The following MTUS2 variants were observed in gnomAD, a reference collection of about 807,000 sequenced individuals.
MTUS2 encodes the protein microtubule associated scaffold protein 2.
A neutral mutation model predicts 114.1 loss-of-function variants in MTUS2; 40 were observed. That is an observed-to-expected ratio of 0.35 (90% CI 0.27 to 0.46). The LOEUF (loss-of-function observed/expected upper bound fraction) is 0.46. Ranked by LOEUF, MTUS2 falls within the 20% of genes least tolerant of loss-of-function variation. The pLI, the probability that MTUS2 is intolerant of heterozygous loss-of-function variation, is 1.00. For missense variants in MTUS2, 1,679 were observed against 1,705.4 expected (o/e 0.98, Z 0.27); for synonymous variants, 688 against 672.0 (o/e 1.02, Z -0.37).
intron 4 of MTUS2, among the ~76,000 whole-genome samples, chr13:29,041,803 G>T (rs910651827): frequency 6.6e-6 from 1 of 152,138 alleles, no homozygotes; most frequent in Non-Finnish European, 1.5e-5. Flanking sequence ...ACTGATCTGT[G>T]TATATTGATT....
chr13:29,233,978 A>G (rs773113632), intron 5 of MTUS2, among the ~76,000 whole-genome samples: 1 of 152,170 alleles, frequency 6.6e-6, no homozygotes. Context: ...GCTACGTAGG[A>G]CTAAGCCTAC....
chr13:28,843,422 T>C (rs576051985), intron 2 of MTUS2, among the ~76,000 whole-genome samples: 2 of 152,246 alleles, frequency 1.3e-5, no homozygotes, highest in South Asian at 4.2e-4. Flanking sequence ...ACAAAGTCTG[T>C]TTTTTGAGGC....
At chr13:29,471,749 C>G (rs934087249) in intron 9 of MTUS2, among the ~76,000 whole-genome samples, 3 of 147,690 alleles carry the variant, frequency 2.0e-5, no homozygotes, top group Admixed American at 6.7e-5. Context: ...CCAGCCCCCC[C>G]CGACACATTG....
intron 4 of MTUS2, among the ~76,000 whole-genome samples, chr13:29,038,135 C>G (rs961764086): frequency 1.3e-5 from 2 of 152,190 alleles, no homozygotes; most frequent in Non-Finnish European, 2.9e-5. Flanking sequence ...CTGGTTTTCC[C>G]TCATCTTCAT....
At chr13:29,360,766 A>G (rs1200882743) in intron 8 of MTUS2, among the ~76,000 whole-genome samples, 2 of 139,196 alleles carry the variant, frequency 1.4e-5, no homozygotes, top group African/African-American at 5.1e-5. Flanking sequence ...CATGGTCAAG[A>G]TGAGCATTTT....
intron 9 of MTUS2, among the ~76,000 whole-genome samples, chr13:29,454,137 A>G (rs1437460653): frequency 6.6e-6 from 1 of 152,254 alleles, no homozygotes; most frequent in African/African-American, 2.4e-5. Context: ...AACTTGACCA[A>G]TTCTGCATTG....
At chr13:29,183,844 T>A (rs1203068035) in intron 5 of MTUS2, among the ~76,000 whole-genome samples, 1 of 152,220 alleles carries the variant, frequency 6.6e-6, no homozygotes, top group African/African-American at 2.4e-5. Context: ...TTTCATATTA[T>A]CTTACTCATA....
intron 2 of MTUS2, among the ~76,000 whole-genome samples, chr13:28,990,560 A>G (rs1344530893): frequency 1.3e-5 from 2 of 151,616 alleles, no homozygotes; most frequent in Admixed American, 6.6e-5. Flanking sequence ...AGGATTGTAA[A>G]TGCACCAGTC....
chr13:29,230,348 A>T (rs1259442111), intron 5 of MTUS2, among the ~76,000 whole-genome samples: 1 of 152,276 alleles, frequency 6.6e-6, no homozygotes, highest in Non-Finnish European at 1.5e-5. Flanking sequence ...GAAACTGATA[A>T]AATCACCTTG....
intron 2 of MTUS2, among the ~76,000 whole-genome samples, chr13:28,911,679 T>G (rs1256874909): frequency 1.3e-5 from 2 of 152,098 alleles, no homozygotes; most frequent in South Asian, 2.1e-4. Context: ...GTTTCTTGAC[T>G]TTTTAATAAT....
chr13:29,437,497 G>A (rs184473820), intron 8 of MTUS2, among the ~76,000 whole-genome samples: 152 of 152,276 alleles, frequency 1.0e-3, no homozygotes, highest in African/African-American at 3.5e-3. Flanking sequence ...GGAACACATT[G>A]ATTGTCATCT....
intron 2 of MTUS2, among the ~76,000 whole-genome samples, chr13:28,865,107 A>C (rs1490336565): frequency 6.6e-6 from 1 of 152,070 alleles, no homozygotes; most frequent in Non-Finnish European, 1.5e-5. Flanking sequence ...GTATGTGTAT[A>C]TGGGGGTGTG....
intron 2 of MTUS2, among the ~76,000 whole-genome samples, chr13:28,990,826 C>T (rs894611545): frequency 1.3e-5 from 2 of 151,000 alleles, no homozygotes; most frequent in Non-Finnish European, 2.9e-5. Context: ...CTGTTTGGGT[C>T]AGCACTACTT....
At chr13:28,883,994 A>C (rs1286267884) in intron 2 of MTUS2, among the ~76,000 whole-genome samples, 1 of 152,150 alleles carries the variant, frequency 6.6e-6, no homozygotes, top group African/African-American at 2.4e-5. Flanking sequence ...TTTCCTCAAA[A>C]ATTAGAAATA....
At chr13:29,368,262 A>T (rs1870906229) in intron 8 of MTUS2, among the ~76,000 whole-genome samples, 1 of 151,652 alleles carries the variant, frequency 6.6e-6, no homozygotes, top group African/African-American at 2.4e-5. Flanking sequence ...TAACCCATGT[A>T]TCACCTGTCC....
rs1172103646 is a variant in MTUS2 at position 29,503,664 on chromosome 13, G to C, written c.*458G>C. On this transcript the variant is annotated 3_prime_UTR_variant, in exon 16 of 16. Transcript: ENST00000612955. ...GTGAAGGTCAGCAGTTTTCTAACTT[G>C]TGCCTAAGAATTATTGGGAAATGAA... is the stretch of plus-strand genomic sequence containing the variant. 1 of 236,140 alleles carries C rather than the reference G, an allele frequency of 4.2e-6. No individual in the cohort carries two copies. 14.6% of individuals were successfully genotyped at this position (236,140 alleles called of 1,614,324 possible).
At chr13:29,194,019 G>T (rs556150969) in intron 5 of MTUS2, among the ~76,000 whole-genome samples, 1 of 151,554 alleles carries the variant, frequency 6.6e-6, no homozygotes, top group Admixed American at 6.6e-5. Context: ...AATAAATGGT[G>T]CTGGGAAAAC....
chr13:28,951,481 G>A (rs756430390), intron 2 of MTUS2, among the ~76,000 whole-genome samples: 41 of 151,976 alleles, frequency 2.7e-4, no homozygotes, highest in African/African-American at 8.7e-4. Flanking sequence ...AGTTTTGTGA[G>A]TGCATTCTCT....
chr13:29,010,535 T>A (rs1885793691), intron 2 of MTUS2, among the ~76,000 whole-genome samples: 1 of 152,152 alleles, frequency 6.6e-6, no homozygotes, highest in African/African-American at 2.4e-5. Flanking sequence ...TGGCCTTTTC[T>A]AGGCTAGGAC....
Sources: allele counts gnomAD v4.1 joint callset (sites outside exome capture counted in the v4.1 genomes callset), GRCh38; gene constraint gnomAD v4.1.1; transcripts MANE v1.5; gene names NCBI Gene and HGNC (gene_info 2026-07-23, HGNC 2026-07-21).